The following EFCAB5 variants were observed in gnomAD, a reference collection of about 807,000 sequenced individuals.
EFCAB5 encodes the protein EF-hand calcium binding domain 5.
EFCAB5 carries 131 observed loss-of-function variants against 167.9 expected under a neutral mutation model. That is an observed-to-expected ratio of 0.78 (90% CI 0.68 to 0.90). EFCAB5 has a LOEUF of 0.90. Among genes scored for constraint, EFCAB5 ranks in the 40% least tolerant of loss-of-function variants. EFCAB5 has a pLI of 0.00. For synonymous variants in EFCAB5, 574 were observed against 602.8 expected (o/e 0.95, Z 0.70); for missense variants, 1,663 against 1,745.2 (o/e 0.95, Z 0.84).
chr17:30,055,664 A>C (rs543822374), intron 10 of EFCAB5, among the ~76,000 whole-genome samples: 2 of 152,294 alleles, frequency 1.3e-5, no homozygotes, highest in African/African-American at 2.4e-5. Context: ...CTCATTTTGC[A>C]TGGCCAAATT....
chr17:30,094,710 T>A (rs2071264541), intron 22 of EFCAB5, among the ~76,000 whole-genome samples: 3 of 151,954 alleles, frequency 2.0e-5, no homozygotes, highest in Admixed American at 1.3e-4. Context: ...AAGGAGATAC[T>A]TTTTTTATTC....
chr17:30,072,508 T>G lies in EFCAB5; in HGVS notation c.2738-5707T>G, dbSNP rs1013074521. Among the ~76,000 whole-genome samples the G allele has an allele frequency of 5.3e-5, 8 of 152,336 alleles. No individual in the cohort carries two copies. The East Asian group carries it at 1.5e-3, about 29-fold the overall frequency. On this transcript the variant is annotated intron_variant, in intron 14 of 22. Transcript: ENST00000394835. ...TAAGTAGCTAGCATAAAATTCCTGATGCTATTCCTTTGCTCTGGAACTCTG... is the reference window on the plus strand; with the variant it reads ...TAAGTAGCTAGCATAAAATTCCTGAGGCTATTCCTTTGCTCTGGAACTCTG...
intron 3 of EFCAB5, among the ~76,000 whole-genome samples, chr17:29,946,717 C>T (rs929987912): frequency 6.6e-6 from 1 of 151,914 alleles, no homozygotes; most frequent in Non-Finnish European, 1.5e-5. Context: ...GGATTACAGG[C>T]GTGAGCCACC....
chr17:29,986,215 G>A (rs953764874), intron 4 of EFCAB5, among the ~76,000 whole-genome samples: 3 of 152,138 alleles, frequency 2.0e-5, no homozygotes, highest in Non-Finnish European at 4.4e-5. Flanking sequence ...CCTTCTAGAC[G>A]TTTTTTATTC....
In EFCAB5 at chr17:30,108,085, T is replaced by G. The variant is rs1267806636; in HGVS notation, c.*61T>G. 35 of 1,509,428 alleles carry G rather than the reference T, an allele frequency of 2.3e-5. No homozygotes were observed. The highest frequency in any genetic ancestry group is 3.1e-5 in the Non-Finnish European group (35 of 1,128,118). 93.5% of individuals were successfully genotyped at this position (1,509,428 alleles called of 1,614,324 possible). On this transcript the variant is annotated 3_prime_UTR_variant, in exon 23 of 23. Coordinates refer to ENST00000394835, the MANE Select transcript of EFCAB5 (RefSeq NM_198529.4). ...ATCCTTTGTTTGTTATCAGTTTTGT[T>G]TGTTAACTATAAAATATTTTCCATT...
At position 29,999,791 on chromosome 17, in the gene EFCAB5, A is replaced by G. The variant is rs115160874; in HGVS notation, c.974-115A>G. The G allele has an allele frequency of 4.1e-4, 249 of 607,768 alleles. No individual in the cohort carries two copies. The African/African-American group carries it at 4.2e-3, about 10-fold the overall frequency. 37.6% of individuals were successfully genotyped at this position (607,768 alleles called of 1,614,324 possible). ...ATATGTAATTCACTTTATTGTAATT[A>G]TGGTTAGACATTAGCTAATAAATAA... On this transcript the variant is annotated intron_variant, in intron 6 of 22. Coordinates refer to ENST00000394835, the MANE Select transcript of EFCAB5 (RefSeq NM_198529.4).
chr17:30,097,346 A>C (rs1190776607), intron 22 of EFCAB5, among the ~76,000 whole-genome samples: 1 of 152,058 alleles, frequency 6.6e-6, no homozygotes, highest in Non-Finnish European at 1.5e-5. Flanking sequence ...TGAGCCACTG[A>C]GCTGGCTTTA....
chr17:30,102,957 G>T (rs778529450), intron 22 of EFCAB5, among the ~76,000 whole-genome samples: 1 of 151,822 alleles, frequency 6.6e-6, no homozygotes, highest in Non-Finnish European at 1.5e-5. Flanking sequence ...TCCCACCTGA[G>T]CCTCCCTAGT....
At chr17:30,057,604 A>T in intron 12 of EFCAB5, 72 bp from the exon 13 acceptor site, 1 of 1,257,000 alleles carries the variant, frequency 8.0e-7, no homozygotes, top group Non-Finnish European at 1.1e-6. Flanking sequence ...TCATTACAAT[A>T]GGCACTCATT....
intron 1 of EFCAB5, among the ~76,000 whole-genome samples, chr17:29,933,263 GAAGGTCTGGGCA>G (rs1474533836): frequency 9.9e-5 from 15 of 152,236 alleles, no homozygotes; most frequent in Non-Finnish European, 1.6e-4. Context: ...ACAAAGGAGA[GAAGGTCTGGGCA>G]AATGTGCTCT....
chr17:30,052,524 T>C (rs1299545268), intron 9 of EFCAB5, among the ~76,000 whole-genome samples: 1 of 152,246 alleles, frequency 6.6e-6, no homozygotes, highest in Non-Finnish European at 1.5e-5. Flanking sequence ...CTTACAAATC[T>C]GTGGGTGATA....
intron 12 of EFCAB5, 46 bp downstream of exon 12, chr17:30,056,202 T>C: frequency 1.3e-6 from 2 of 1,511,240 alleles, no homozygotes; most frequent in Non-Finnish European, 1.8e-6. Flanking sequence ...GTCCAATAGA[T>C]GGATTTAATT....
At chr17:30,048,866 G>A (rs1232171702) in intron 8 of EFCAB5, among the ~76,000 whole-genome samples, 1 of 152,124 alleles carries the variant, frequency 6.6e-6, no homozygotes, top group Non-Finnish European at 1.5e-5. Flanking sequence ...GAATCAAATT[G>A]ACGTAGCTCT....
chr17:30,001,308 A>G (rs1283539449), intron 7 of EFCAB5, among the ~76,000 whole-genome samples: 2 of 152,256 alleles, frequency 1.3e-5, no homozygotes, highest in Non-Finnish European at 1.5e-5. Flanking sequence ...AAATACACAG[A>G]GGAACAAATG....
intron 14 of EFCAB5, among the ~76,000 whole-genome samples, chr17:30,070,957 A>G (rs1178698101): frequency 1.4e-5 from 2 of 142,134 alleles, no homozygotes; most frequent in Admixed American, 6.9e-5. Flanking sequence ...CTCAAAAAAA[A>G]AAAAAAAAAA....
chr17:30,057,924 G>A (rs1277503084), intron 13 of EFCAB5, 34 bp downstream of exon 13: 4 of 1,575,244 alleles, frequency 2.5e-6, no homozygotes, highest in Middle Eastern at 3.4e-4. Flanking sequence ...ATACAAGTGA[G>A]GTCACTATTA....
intron 22 of EFCAB5, among the ~76,000 whole-genome samples, chr17:30,098,030 G>A (rs1436466193): frequency 6.6e-6 from 1 of 152,052 alleles, no homozygotes; most frequent in African/African-American, 2.4e-5. Flanking sequence ...GACCTCCCTG[G>A]CTCAAGCAAT....
intron 1 of EFCAB5, among the ~76,000 whole-genome samples, chr17:29,932,678 G>A (rs894582449): frequency 4.6e-5 from 7 of 151,914 alleles, no homozygotes; most frequent in Admixed American, 4.6e-4. Context: ...GGCTGGTCTC[G>A]AACTCCTGAC....
At chr17:29,930,206 G>A (rs891958573) in intron 1 of EFCAB5, 10 of 561,402 alleles carry the variant, frequency 1.8e-5, no homozygotes, top group African/African-American at 1.7e-4. Flanking sequence ...CGGGCGGGCG[G>A]TTCCGCAGCT....
Sources: allele counts gnomAD v4.1 joint callset (sites outside exome capture counted in the v4.1 genomes callset), GRCh38; gene constraint gnomAD v4.1.1; transcripts MANE v1.5; gene names NCBI Gene and HGNC (gene_info 2026-07-23, HGNC 2026-07-21).